Variants in CFDP1 observed in about 807,000 individuals in gnomAD.
CFDP1 encodes heterochromatin-stabilizing protein CFDP1.
In CFDP1, 31 loss-of-function variants were observed where a neutral mutation model predicts 40.1. That is an observed-to-expected ratio of 0.77 (90% CI 0.58 to 1.04). The LOEUF (loss-of-function observed/expected upper bound fraction) is 1.04. CFDP1 is among the 50% of genes least tolerant of loss of function. CFDP1 has a pLI of 0.00. For missense variants in CFDP1, 423 were observed against 343.4 expected, an observed-to-expected ratio of 1.23 and a Z score of -1.83; for synonymous variants, 167 against 120.0, an observed-to-expected ratio of 1.39 and a Z score of -2.56.
chr16:75,299,297 A>T (rs936947642), intron 6 of CFDP1, among the ~76,000 whole-genome samples: 39 of 152,042 alleles, frequency 2.6e-4, no homozygotes, highest in African/African-American at 8.7e-4. Flanking sequence ...ATTAATTCTA[A>T]TCCTACTTGG....
At chr16:75,337,508 C>T (rs1023337286) in intron 5 of CFDP1, among the ~76,000 whole-genome samples, 1 of 152,236 alleles carries the variant, frequency 6.6e-6, no homozygotes, top group Non-Finnish European at 1.5e-5. Context: ...TCCGTTCTCA[C>T]ACTGGTATCA....
At chr16:75,370,708 C>T (rs2078745496) in intron 5 of CFDP1, among the ~76,000 whole-genome samples, 1 of 151,910 alleles carries the variant, frequency 6.6e-6, no homozygotes, top group Non-Finnish European at 1.5e-5. Context: ...ACTAAACATA[C>T]AAAAATTAGC....
intron 5 of CFDP1, among the ~76,000 whole-genome samples, chr16:75,334,774 G>C (rs993595051): frequency 6.6e-6 from 1 of 152,010 alleles, no homozygotes; most frequent in Non-Finnish European, 1.5e-5. Context: ...GGCCAACATG[G>C]CAAAACCCAG....
At chr16:75,314,814 C>T (rs1046003518) in intron 5 of CFDP1, among the ~76,000 whole-genome samples, 1 of 152,098 alleles carries the variant, frequency 6.6e-6, no homozygotes, top group South Asian at 2.1e-4. Context: ...TGCAGTGGCG[C>T]GATCTCAGGT....
At chr16:75,427,364 C>T (rs1750994363) in intron 1 of CFDP1, among the ~76,000 whole-genome samples, 1 of 152,032 alleles carries the variant, frequency 6.6e-6, no homozygotes, top group Non-Finnish European at 1.5e-5. Context: ...GATTCTCCTT[C>T]CTCATCCTCC....
chr16:75,376,585 T>C (rs932092469), intron 5 of CFDP1, among the ~76,000 whole-genome samples: 7 of 152,260 alleles, frequency 4.6e-5, no homozygotes, highest in Admixed American at 6.5e-5. Flanking sequence ...GCAAAGAGCA[T>C]AGGGCAAAAG....
Position 75,316,028 on chromosome 16 carries a change from C to T in CFDP1, c.651-10846G>A, listed in dbSNP as rs1490805572. Among the ~76,000 whole-genome samples, 6 of 152,242 alleles carry T rather than the reference C, an allele frequency of 3.9e-5. 1 individual carries two copies. Among genetic ancestry groups the T allele is most frequent in the Admixed American group, 2.0e-4 (3 of 15,294 alleles). ...CAGTGTCTTGTTAATTTTTAAGAGTCCAGTCTGGTTGACCTATAGAATGTT... is the reference window on the plus strand; with the variant it reads ...CAGTGTCTTGTTAATTTTTAAGAGTTCAGTCTGGTTGACCTATAGAATGTT... On this transcript the variant is annotated intron_variant, in intron 5 of 6. Coordinates refer to ENST00000283882, the MANE Select transcript of CFDP1 (RefSeq NM_006324.3).
intron 4 of CFDP1, among the ~76,000 whole-genome samples, chr16:75,410,737 T>C (rs1267234963): frequency 6.7e-6 from 1 of 150,320 alleles, no homozygotes; most frequent in East Asian, 2.0e-4. Context: ...TGAAACCCCG[T>C]CTCTACTAAA....
At position 75,293,860 on chromosome 16, in the gene CFDP1, AGAT is replaced by A; in HGVS notation, c.*89_*91del. The A allele has an allele frequency of 9.8e-7, 1 of 1,020,224 alleles. No homozygotes were observed. Among genetic ancestry groups the A allele is most frequent in the Non-Finnish European group, 1.5e-6 (1 of 676,442 alleles). The allele number at this position is 1,020,224 out of a possible 1,614,324, so 63.2% of individuals were successfully genotyped here. A position where few individuals can be genotyped will look rare whatever the true frequency, so the allele number is the denominator to read the frequency against. On this transcript the variant is annotated 3_prime_UTR_variant, in exon 7 of 7. Coordinates refer to ENST00000283882, the MANE Select transcript of CFDP1 (RefSeq NM_006324.3). The stretch of plus-strand genomic sequence containing the variant: ...AAAAAAAAAGACCTTGCTGGGAAAC[AGAT>A]GATGAGAAACACTGTAAAACATTTC...
chr16:75,307,956 A>G (rs1168809966), intron 5 of CFDP1, among the ~76,000 whole-genome samples: 1 of 152,140 alleles, frequency 6.6e-6, no homozygotes, highest in Admixed American at 6.5e-5. Context: ...TTCTTTTCAT[A>G]TGGGAACACT....
intron 5 of CFDP1, among the ~76,000 whole-genome samples, chr16:75,319,908 C>T (rs1053661376): frequency 2.6e-5 from 4 of 152,196 alleles, no homozygotes; most frequent in Admixed American, 6.5e-5. Flanking sequence ...TTCGTTTCCA[C>T]GTAGTTTGAT....
intron 5 of CFDP1, among the ~76,000 whole-genome samples, chr16:75,386,137 TAAAAAA>T (rs528576218): frequency 1.1e-4 from 16 of 147,276 alleles, no homozygotes; most frequent in Admixed American, 4.1e-4. Context: ...AAAGTAAAAT[TAAAAAA>T]AAAAAGTTTG....
chr16:75,386,212 T>A (rs1409679045), intron 5 of CFDP1, among the ~76,000 whole-genome samples: 2 of 152,142 alleles, frequency 1.3e-5, no homozygotes, highest in Non-Finnish European at 2.9e-5. Flanking sequence ...GTTGGCACTA[T>A]AATTTGAGGC....
chr16:75,433,176 G>GA (rs1158029853), intron 1 of CFDP1, 113 bp downstream of exon 1: 25 of 908,846 alleles, frequency 2.8e-5, no homozygotes, highest in Non-Finnish European at 4.1e-5. Flanking sequence ...TCGAGAACAG[G>GA]AGCCCCCCTG....
intron 5 of CFDP1, among the ~76,000 whole-genome samples, chr16:75,393,573 T>C (rs1430246672): frequency 2.7e-5 from 4 of 149,930 alleles, no homozygotes; most frequent in African/African-American, 4.9e-5. Flanking sequence ...CTACTAAAAA[T>C]ACAAAAAATT....
At chr16:75,308,245 G>A (rs2078271387) in intron 5 of CFDP1, among the ~76,000 whole-genome samples, 2 of 152,168 alleles carry the variant, frequency 1.3e-5, no homozygotes, top group Non-Finnish European at 2.9e-5. Context: ...TATAGGAGGT[G>A]GAATGCTTCT....
intron 4 of CFDP1, among the ~76,000 whole-genome samples, chr16:75,403,243 G>A (rs1406456456): frequency 6.6e-6 from 1 of 152,028 alleles, no homozygotes; most frequent in South Asian, 2.1e-4. Flanking sequence ...TTTTGAGACA[G>A]GGTCTCACTC....
At chr16:75,414,530 G>C (rs2079187748) in intron 2 of CFDP1, 48 bp downstream of exon 2, 1 of 1,108,960 alleles carries the variant, frequency 9.0e-7, no homozygotes, top group African/African-American at 1.5e-5. Context: ...AATCAGGATG[G>C]TTGTGACAAT....
intron 5 of CFDP1, among the ~76,000 whole-genome samples, chr16:75,334,024 C>G (rs528784812): frequency 4.6e-5 from 7 of 152,224 alleles, no homozygotes; most frequent in African/African-American, 1.7e-4. Flanking sequence ...CACAGAGAGA[C>G]CAATTTAACT....
Sources: gnomAD v4.1 joint callset for allele counts (sites outside exome capture counted in the v4.1 genomes callset) on GRCh38, gnomAD v4.1.1 for gene constraint, MANE v1.5 for transcripts, NCBI Gene and HGNC (gene_info 2026-07-23, HGNC 2026-07-21) for gene names.